Variants in SEMA6A observed in about 807,000 individuals in gnomAD.
SEMA6A encodes semaphorin 6A.
Under a neutral mutation model 96.8 loss-of-function variants are expected in SEMA6A, and 25 were observed. The ratio of observed to expected loss-of-function variants is 0.26; its 90% CI spans 0.19 to 0.36. SEMA6A has a LOEUF of 0.36. Among genes scored for constraint, SEMA6A ranks in the 10% least tolerant of loss-of-function variants. The pLI, the probability that SEMA6A is intolerant of heterozygous loss-of-function variation, is 1.00. For missense variants in SEMA6A, 1,363 were observed against 1,323.1 expected, an observed-to-expected ratio of 1.03 and a Z score of -0.47; for synonymous variants, 612 against 518.0, an observed-to-expected ratio of 1.18 and a Z score of -2.46.
chr5:116,487,089 C>G, intron 9 of SEMA6A, 123 bp from the exon 10 acceptor site: 1 of 541,432 alleles, frequency 1.8e-6, no homozygotes, highest in Non-Finnish European at 3.1e-6. Flanking sequence ...TTTCTAAAAT[C>G]AGTAACAAAA....
intron 15 of SEMA6A, 128 bp downstream of exon 15, chr5:116,477,718 G>A: frequency 4.6e-6 from 4 of 869,214 alleles, no homozygotes; most frequent in South Asian, 1.5e-5. Flanking sequence ...GAGAAAGGCT[G>A]ACAGTCCCGT....
intron 1 of SEMA6A, among the ~76,000 whole-genome samples, chr5:116,505,338 C>G (rs929919306): frequency 6.6e-5 from 10 of 152,032 alleles, no homozygotes; most frequent in African/African-American, 2.2e-4. Flanking sequence ...TAGGAGATTT[C>G]TGATATTAAT....
Position 116,566,496 on chromosome 5 carries a change from C to T in SEMA6A, c.-39+7689G>A, listed in dbSNP as rs1382857208. On this transcript the variant is annotated intron_variant, in intron 1 of 18. Coordinates refer to ENST00000343348, the MANE Select transcript of SEMA6A (RefSeq NM_020796.5). The stretch of plus-strand genomic sequence containing the variant: ...TTCGGTCCTTGCAGCATGTTAATTA[C>T]TGATTTATCTCACACTCTTTCCATT... Among the ~76,000 whole-genome samples, 3 of 151,660 alleles carry T rather than the reference C, an allele frequency of 2.0e-5. No individual in the cohort carries two copies. In the East Asian group the frequency reaches 5.8e-4, roughly 29 times the overall value.
At chr5:116,563,019 A>G (rs1760882796) in intron 1 of SEMA6A, 4 of 513,784 alleles carry the variant, frequency 7.8e-6, no homozygotes, top group South Asian at 1.6e-5. Context: ...TGTGAACAAG[A>G]CAAGACTCCT....
intron 2 of SEMA6A, among the ~76,000 whole-genome samples, chr5:116,504,236 T>C (rs1297919113): frequency 1.3e-5 from 2 of 152,196 alleles, no homozygotes; most frequent in Non-Finnish European, 2.9e-5. Context: ...GTAAATTGAA[T>C]GTTCCATCCA....
In SEMA6A at chr5:116,477,883, C is replaced by T. The variant is rs750326107; in HGVS notation, c.1612G>A (p.Glu538Lys). Residue 538 changes from glutamate to lysine, a missense_variant, in exon 15 of 19, where the codon GAA becomes AAA. Transcript: ENST00000343348. Reference protein sequence around the residue: ...SRDPYCGWIKEGGACSHLSPN... With the variant: ...SRDPYCGWIKKGGACSHLSPN... Reference sequence around the variant, plus strand: ...GATAAATGGCTGCAGGCACCACCTTCCTTTATCCATCCACAATATGGGTCT... The same window carrying T: ...GATAAATGGCTGCAGGCACCACCTTTCTTTATCCATCCACAATATGGGTCT... 28 of 1,613,966 alleles carry T rather than the reference C, an allele frequency of 1.7e-5. No individual in the cohort carries two copies. The highest frequency in any genetic ancestry group is 2.3e-5 in the Non-Finnish European group (27 of 1,179,864).
chr5:116,551,193 G>C (rs1760390239), intron 1 of SEMA6A, among the ~76,000 whole-genome samples: 1 of 152,214 alleles, frequency 6.6e-6, no homozygotes, highest in East Asian at 1.9e-4. Flanking sequence ...GAAAAGCAGA[G>C]GAAGCGAGTG....
intron 1 of SEMA6A, among the ~76,000 whole-genome samples, chr5:116,540,925 C>G (rs1759932701): frequency 6.6e-6 from 1 of 152,096 alleles, no homozygotes; most frequent in Non-Finnish European, 1.5e-5. Flanking sequence ...ATTCCATTAG[C>G]AATACTGAAC....
chr5:116,472,939 TA>T (rs756186161), intron 17 of SEMA6A, 133 bp downstream of exon 17: 7 of 1,526,268 alleles, frequency 4.6e-6, no homozygotes, highest in Non-Finnish European at 4.4e-6. Context: ...GAAATGTCTA[TA>T]AAAAAATGAT....
chr5:116,511,332 T>TA (rs982807478), intron 1 of SEMA6A, among the ~76,000 whole-genome samples: 1 of 151,888 alleles, frequency 6.6e-6, no homozygotes, highest in Non-Finnish European at 1.5e-5. Context: ...TGCAATTTTT[T>TA]AAAAAAAAAT....
chr5:116,515,655 A>G (rs1758635327), intron 1 of SEMA6A, among the ~76,000 whole-genome samples: 1 of 152,208 alleles, frequency 6.6e-6, no homozygotes. Flanking sequence ...GAACTTTGAC[A>G]GGACGACTCT....
chr5:116,467,940 A>G (rs958791535), intron 17 of SEMA6A, 193 bp from the exon 18 acceptor site: 13 of 589,362 alleles, frequency 2.2e-5, no homozygotes, highest in Middle Eastern at 4.2e-4. Context: ...CAGAAAGCCC[A>G]TTGAACTTGT....
At chr5:116,496,448 TA>T (rs1757608478) in intron 4 of SEMA6A, 135 bp from the exon 5 acceptor site, 1 of 617,258 alleles carries the variant, frequency 1.6e-6, no homozygotes, top group South Asian at 2.4e-5. Flanking sequence ...TCTCCATGAT[TA>T]ATTCACCGTA....
At position 116,447,073 on chromosome 5, in the gene SEMA6A, G is replaced by T; in HGVS notation, c.2633C>A (p.Pro878His). ...VNLVENLDSLPPKVPQREASL... is the reference protein window; with the variant it reads ...VNLVENLDSLHPKVPQREASL... ...GGCCTCCCGCTGTGGAACTTTGGGGGGCAGGCTGTCCAGGTTCTCCACAAG... is the reference window on the plus strand; with the variant it reads ...GGCCTCCCGCTGTGGAACTTTGGGGTGCAGGCTGTCCAGGTTCTCCACAAG... The change falls in exon 19 of 19, where the codon CCC (proline) becomes CAC (histidine). Residue 878 changes from proline to histidine, a missense_variant. Physicochemically the swap from Pro to His is moderately conservative, Grantham distance 77. Transcript: ENST00000343348. 6.2e-7 allele frequency: 1 copy of T among 1,613,950 alleles called. No homozygotes were observed. Among genetic ancestry groups the T allele is most frequent in the Non-Finnish European group, 8.5e-7 (1 of 1,179,880 alleles).
intron 1 of SEMA6A, among the ~76,000 whole-genome samples, chr5:116,555,880 G>C (rs1293081192): frequency 6.6e-6 from 1 of 152,060 alleles, no homozygotes; most frequent in Non-Finnish European, 1.5e-5. Flanking sequence ...AGAGATCTTT[G>C]GGCCCTCTTT....
intron 1 of SEMA6A, among the ~76,000 whole-genome samples, chr5:116,527,384 G>A (rs545397034): frequency 3.3e-5 from 5 of 152,166 alleles, no homozygotes; most frequent in Non-Finnish European, 5.9e-5. Context: ...TGGATTTGGG[G>A]TTTGCAAAAT....
intron 1 of SEMA6A, among the ~76,000 whole-genome samples, chr5:116,510,213 A>G (rs1758343776): frequency 6.6e-6 from 1 of 152,152 alleles, no homozygotes; most frequent in Non-Finnish European, 1.5e-5. Flanking sequence ...GACCACAGAG[A>G]ACACTGTTGT....
chr5:116,572,479 T>G (rs561486275), intron 1 of SEMA6A, among the ~76,000 whole-genome samples: 13 of 152,174 alleles, frequency 8.5e-5, no homozygotes, highest in Admixed American at 7.2e-4. Flanking sequence ...AGTCTCCCAT[T>G]CCTCTCCCGC....
At position 116,489,112 on chromosome 5, in the gene SEMA6A, G is replaced by C; in HGVS notation, c.536-105C>G. 1.8e-5 allele frequency: 23 copies of C among 1,265,020 alleles called. No homozygotes were observed. The South Asian group carries it at 4.2e-4, about 23-fold the overall frequency. The allele number at this position is 1,265,020 out of a possible 1,614,324, so 78.4% of individuals were successfully genotyped here. The stretch of plus-strand genomic sequence containing the variant: ...TTGCTTTCCAACATCAGGCAAATGA[G>C]ATAGCACAACTGGGAAAAATCCAAG... On this transcript the variant is annotated intron_variant, in intron 7 of 18. Transcript: ENST00000343348.
Sources: gnomAD v4.1 joint callset for allele counts (sites outside exome capture counted in the v4.1 genomes callset) on GRCh38, gnomAD v4.1.1 for gene constraint, MANE v1.5 for transcripts, NCBI Gene and HGNC (gene_info 2026-07-23, HGNC 2026-07-21) for gene names.